B3GALT1: variants seen among roughly 807,000 people sequenced by gnomAD.
B3GALT1 encodes the protein beta-1,3-galactosyltransferase 1.
B3GALT1 carries 10 observed loss-of-function variants against 23.2 expected under a neutral mutation model. That is an observed-to-expected ratio of 0.43 (90% CI 0.27 to 0.73). The LOEUF (loss-of-function observed/expected upper bound fraction) is 0.73. B3GALT1 is among the 30% of genes least tolerant of loss of function. The pLI is 0.21. For synonymous variants in B3GALT1, 156 were observed against 141.5 expected (o/e 1.10, Z -0.73); for missense variants, 299 against 405.4 (o/e 0.74, Z 2.25).
intron 3 of B3GALT1, among the ~76,000 whole-genome samples, chr2:167,732,462 T>C (rs994399304): frequency 1.3e-5 from 2 of 152,170 alleles, no homozygotes; most frequent in African/African-American, 4.8e-5. Flanking sequence ...GTGAGCCTTT[T>C]CCACAGCACC....
At chr2:167,697,190 T>C (rs1434034482) in intron 3 of B3GALT1, among the ~76,000 whole-genome samples, 1 of 152,102 alleles carries the variant, frequency 6.6e-6, no homozygotes, top group Non-Finnish European at 1.5e-5. Context: ...TAAGTGGTTG[T>C]AACAATTATA....
chr2:167,451,692 T>C (rs1019270064), intron 1 of B3GALT1, among the ~76,000 whole-genome samples: 4 of 152,196 alleles, frequency 2.6e-5, no homozygotes, highest in African/African-American at 9.6e-5. Flanking sequence ...GGTGGCTCTT[T>C]CAGGAGAACA....
intron 2 of B3GALT1, among the ~76,000 whole-genome samples, chr2:167,612,018 A>G (rs1685076029): frequency 1.3e-5 from 2 of 152,058 alleles, no homozygotes; most frequent in Non-Finnish European, 2.9e-5. Flanking sequence ...TCCTAACGTT[A>G]CTGGCAGATA....
rs184400982 is a variant in B3GALT1 at position 167,679,026 on chromosome 2, T to C, written c.-352+32060T>C. On this transcript the variant is annotated intron_variant, in intron 3 of 4. Coordinates refer to ENST00000392690, the MANE Select transcript of B3GALT1 (RefSeq NM_020981.4). ...ATGTAATTTGAACCTTTCCAATCTT[T>C]TTATACCTATTCTTTTGTACCTCTT... 1.2e-4 allele frequency among the ~76,000 whole-genome samples: 19 copies of C among 152,294 alleles called. 1 individual carries two copies. The highest frequency in any genetic ancestry group is 6.8e-3 in the Middle Eastern group (2 of 294).
At chr2:167,702,726 T>TTATAATAAAACGGAA (rs1686899765) in intron 3 of B3GALT1, among the ~76,000 whole-genome samples, 1 of 152,218 alleles carries the variant, frequency 6.6e-6, no homozygotes, top group Non-Finnish European at 1.5e-5. Context: ...GAAACAGTGT[T>TTATAATAAAACGGAA]ACTTGATTTA....
At chr2:167,306,124 G>C (rs1696548538) in intron 1 of B3GALT1, among the ~76,000 whole-genome samples, 1 of 151,826 alleles carries the variant, frequency 6.6e-6, no homozygotes, top group African/African-American at 2.4e-5. Flanking sequence ...ATATGGAAAA[G>C]GTCATATGTT....
At chr2:167,535,762 A>C (rs372493804) in intron 2 of B3GALT1, among the ~76,000 whole-genome samples, 2 of 152,148 alleles carry the variant, frequency 1.3e-5, no homozygotes, top group African/African-American at 2.4e-5. Context: ...TATCATTTCT[A>C]TTGAAAAACT....
At chr2:167,479,935 G>C (rs13386818) in intron 1 of B3GALT1, among the ~76,000 whole-genome samples, 2 of 152,006 alleles carry the variant, frequency 1.3e-5, no homozygotes, top group Non-Finnish European at 2.9e-5. Flanking sequence ...CACATCATAG[G>C]GATGTGGAAA....
intron 1 of B3GALT1, among the ~76,000 whole-genome samples, chr2:167,433,773 G>A (rs534685323): frequency 6.6e-5 from 10 of 152,256 alleles, no homozygotes; most frequent in South Asian, 4.1e-4. Context: ...ATTAAAACAC[G>A]TAATAGGCCA....
chr2:167,525,578 G>A (rs1028934219), intron 2 of B3GALT1, among the ~76,000 whole-genome samples: 1 of 151,476 alleles, frequency 6.6e-6, no homozygotes, highest in Admixed American at 6.6e-5. Flanking sequence ...TGTTTATTTT[G>A]TTGCTCAGAT....
In B3GALT1 at chr2:167,655,892, A is replaced by G. The variant is rs1020120411; in HGVS notation, c.-352+8926A>G. On this transcript the variant is annotated intron_variant, in intron 3 of 4. Coordinates refer to ENST00000392690, the MANE Select transcript of B3GALT1 (RefSeq NM_020981.4). Reference sequence around the variant, plus strand: ...GATCAAATGTCAGCAAACTAATGAAAATGCCTGAGTATATAAATATCCATG... The same window carrying G: ...GATCAAATGTCAGCAAACTAATGAAGATGCCTGAGTATATAAATATCCATG... 2.0e-5 allele frequency among the ~76,000 whole-genome samples: 3 copies of G among 152,196 alleles called. No individual in the cohort carries two copies. The East Asian group carries it at 5.8e-4, about 29-fold the overall frequency.
chr2:167,373,627 G>A (rs1697718347), intron 1 of B3GALT1, among the ~76,000 whole-genome samples: 1 of 152,108 alleles, frequency 6.6e-6, no homozygotes, highest in Non-Finnish European at 1.5e-5. Context: ...TATGGTTTAG[G>A]GAAACAAAAT....
chr2:167,459,739 T>G (rs1699227541), intron 1 of B3GALT1, among the ~76,000 whole-genome samples: 1 of 152,214 alleles, frequency 6.6e-6, no homozygotes, highest in Non-Finnish European at 1.5e-5. Flanking sequence ...TGGTGTCCTT[T>G]CATTTCACCA....
chr2:167,623,093 G>A (rs760734341), intron 2 of B3GALT1, among the ~76,000 whole-genome samples: 10 of 152,132 alleles, frequency 6.6e-5, no homozygotes, highest in Non-Finnish European at 1.2e-4. Context: ...CAGTTAGAAT[G>A]GCGATCATTG....
intron 1 of B3GALT1, among the ~76,000 whole-genome samples, chr2:167,460,179 A>G (rs892183695): frequency 4.6e-5 from 7 of 152,120 alleles, no homozygotes; most frequent in Non-Finnish European, 7.4e-5. Flanking sequence ...ATTATCCATT[A>G]TTTCTTTGAA....
intron 3 of B3GALT1, among the ~76,000 whole-genome samples, chr2:167,771,667 G>A (rs12622054): frequency 0.32 from 49,087 of 152,084 alleles, 8,137 homozygotes; most frequent in Middle Eastern, 0.37. Flanking sequence ...TCCATATTTG[G>A]CCTTTGAATG....
intron 2 of B3GALT1, among the ~76,000 whole-genome samples, chr2:167,607,077 A>G (rs1362593083): frequency 6.6e-6 from 1 of 152,200 alleles, no homozygotes; most frequent in Non-Finnish European, 1.5e-5. Context: ...TGAAACCCCA[A>G]AAAAGTTAAT....
chr2:167,693,761 C>T (rs139238738), intron 3 of B3GALT1, among the ~76,000 whole-genome samples: 2 of 152,192 alleles, frequency 1.3e-5, no homozygotes, highest in African/African-American at 4.8e-5. Flanking sequence ...GGTCTCTTCC[C>T]TGTTCTTCTA....
intron 1 of B3GALT1, among the ~76,000 whole-genome samples, chr2:167,394,686 G>T (rs1469391855): frequency 6.6e-6 from 1 of 152,116 alleles, no homozygotes; most frequent in Non-Finnish European, 1.5e-5. Context: ...CATCCCTGAG[G>T]CACACTCCAC....
Sources: allele counts gnomAD v4.1 joint callset (sites outside exome capture counted in the v4.1 genomes callset), GRCh38; gene constraint gnomAD v4.1.1; transcripts MANE v1.5; gene names NCBI Gene and HGNC (gene_info 2026-07-23, HGNC 2026-07-21).